EYS: variants seen among roughly 807,000 people sequenced by gnomAD.
EYS encodes the protein EGF-like photoreceptor maintenance factor, also known as protein eyes shut homolog.
Under a neutral mutation model 282.1 loss-of-function variants are expected in EYS, and 250 were observed. The observed-to-expected ratio is 0.89, with a 90% CI of 0.80 to 0.98. The LOEUF is 0.98. Ranked by LOEUF, EYS falls within the 50% of genes least tolerant of loss-of-function variation. EYS has a pLI of 0.00. For synonymous variants in EYS, 1,355 were observed against 1,282.9 expected (o/e 1.06, Z -1.20); for missense variants, 4,016 against 3,709.0 (o/e 1.08, Z -2.15).
chr6:64,686,797 ATATATATG>A lies in EYS; in HGVS notation c.3444-60560_3444-60553del, dbSNP rs1269968053. On this transcript the variant is annotated intron_variant, in intron 22 of 42. Transcript: ENST00000503581. ...TATATATATATATATATGTGTGTATATATATATGTGTGTATATATATATGTGTATATAT... is the reference window on the plus strand; with the variant it reads ...TATATATATATATATATGTGTGTATATGTGTATATATATATGTGTATATAT... 4.0e-3 allele frequency among the ~76,000 whole-genome samples: 270 copies of A among 68,294 alleles called. 31 individuals carry two copies. Among genetic ancestry groups the A allele is most frequent in the African/African-American group, 0.013 (260 of 20,402 alleles). 44.8% of individuals were successfully genotyped at this position (68,294 alleles called of 152,430 possible). A position where few individuals can be genotyped will look rare whatever the true frequency, so the allele number is the denominator to read the frequency against.
intron 26 of EYS, among the ~76,000 whole-genome samples, chr6:64,506,722 C>G (rs1777219400): frequency 6.6e-6 from 1 of 151,950 alleles, no homozygotes; most frequent in Non-Finnish European, 1.5e-5. Context: ...ACCATCCTGG[C>G]TAACACGGTG....
intron 22 of EYS, among the ~76,000 whole-genome samples, chr6:64,627,850 C>A (rs1417721554): frequency 6.6e-6 from 1 of 152,054 alleles, no homozygotes; most frequent in Non-Finnish European, 1.5e-5. Context: ...GAGACCGAGG[C>A]GGGTGGATCA....
chr6:65,103,940 G>A (rs1007156526), intron 12 of EYS, among the ~76,000 whole-genome samples: 1 of 151,346 alleles, frequency 6.6e-6, no homozygotes, highest in Non-Finnish European at 1.5e-5. Flanking sequence ...TCATGCTAGG[G>A]ATTTACTGGT....
At chr6:64,243,757 T>C (rs765471917) in intron 30 of EYS, among the ~76,000 whole-genome samples, 3 of 152,228 alleles carry the variant, frequency 2.0e-5, no homozygotes, top group Non-Finnish European at 2.9e-5. Flanking sequence ...TTTTTTCACA[T>C]TCAATTGCAA....
intron 14 of EYS, among the ~76,000 whole-genome samples, chr6:64,977,437 C>T (rs9363303): frequency 0.068 from 10,257 of 151,886 alleles, 442 homozygotes; most frequent in East Asian, 0.13. Flanking sequence ...TTCTCTAGCT[C>T]TCTCCCTCTG....
At chr6:64,893,262 C>T (rs1767345672) in intron 18 of EYS, among the ~76,000 whole-genome samples, 1 of 152,042 alleles carries the variant, frequency 6.6e-6, no homozygotes, top group Non-Finnish European at 1.5e-5. Flanking sequence ...CATTATATCT[C>T]AGCAAATTCA....
At chr6:65,214,943 A>C (rs1365165510) in intron 12 of EYS, among the ~76,000 whole-genome samples, 1 of 152,144 alleles carries the variant, frequency 6.6e-6, no homozygotes, top group Non-Finnish European at 1.5e-5. Context: ...CAATATTTTA[A>C]GCCCACTGTT....
intron 33 of EYS, among the ~76,000 whole-genome samples, chr6:64,002,837 C>G (rs1038317): frequency 1.5e-4 from 23 of 152,036 alleles, no homozygotes; most frequent in African/African-American, 5.3e-4. Flanking sequence ...TGCGCCTGGC[C>G]TGAGGATGAT....
intron 1 of EYS, among the ~76,000 whole-genome samples, chr6:65,658,312 A>G (rs1395573743): frequency 6.6e-6 from 1 of 151,672 alleles, no homozygotes; most frequent in Non-Finnish European, 1.5e-5. Context: ...AATGACATAA[A>G]AACTATAAAA....
intron 19 of EYS, among the ~76,000 whole-genome samples, chr6:64,827,821 T>A (rs1381670755): frequency 1.3e-5 from 2 of 151,852 alleles, no homozygotes; most frequent in African/African-American, 4.8e-5. Flanking sequence ...AATGCTATTC[T>A]ATGAGGAATA....
chr6:64,237,227 T>A (rs1766638605), intron 30 of EYS, among the ~76,000 whole-genome samples: 1 of 152,188 alleles, frequency 6.6e-6, no homozygotes, highest in South Asian at 2.1e-4. Flanking sequence ...CACCTCCACT[T>A]AAATTAAAAG....
At chr6:65,222,850 G>T (rs1766506998) in intron 12 of EYS, among the ~76,000 whole-genome samples, 1 of 152,072 alleles carries the variant, frequency 6.6e-6, no homozygotes, top group African/African-American at 2.4e-5. Context: ...AAACATGGTG[G>T]CACCAGCTTA....
rs532581966 is a variant in EYS at position 64,825,878 on chromosome 6, T to C, written c.2993-3056A>G. Among the ~76,000 whole-genome samples the C allele has an allele frequency of 3.3e-5, 5 of 151,068 alleles. 1 individual carries two copies. The South Asian group carries it at 1.0e-3, about 32-fold the overall frequency. On this transcript the variant is annotated intron_variant, in intron 19 of 42. Coordinates refer to ENST00000503581, the MANE Select transcript of EYS (RefSeq NM_001142800.2). ...GAATCAAAATTTCTCTACTGTAGCA[T>C]AGTAGAGAGATATTCATAAAGTGCA...
chr6:63,965,633 C>A (rs544202752), intron 35 of EYS, among the ~76,000 whole-genome samples: 22 of 152,214 alleles, frequency 1.4e-4, no homozygotes, highest in Non-Finnish European at 2.8e-4. Context: ...TATTTCAATT[C>A]TAACTTGCGT....
At chr6:65,023,456 C>G (rs547838105) in intron 13 of EYS, among the ~76,000 whole-genome samples, 1 of 152,170 alleles carries the variant, frequency 6.6e-6, no homozygotes, top group African/African-American at 2.4e-5. Flanking sequence ...AAATTGTTTT[C>G]ATTGTAGTGT....
intron 30 of EYS, among the ~76,000 whole-genome samples, chr6:64,243,311 G>T (rs1271852985): frequency 6.6e-6 from 1 of 152,210 alleles, no homozygotes; most frequent in South Asian, 2.1e-4. Flanking sequence ...TTAGTCAAGA[G>T]TAATGTCAGC....
At chr6:65,475,291 C>A (rs1266599429) in intron 5 of EYS, among the ~76,000 whole-genome samples, 1 of 151,976 alleles carries the variant, frequency 6.6e-6, no homozygotes, top group Non-Finnish European at 1.5e-5. Flanking sequence ...GTCATAAAAA[C>A]AAACTACATT....
intron 33 of EYS, among the ~76,000 whole-genome samples, chr6:64,019,701 G>T (rs58949381): frequency 0.041 from 6,299 of 151,880 alleles, 419 homozygotes; most frequent in African/African-American, 0.14. Context: ...GAGCCACCAC[G>T]CTCAGCCTCG....
intron 12 of EYS, among the ~76,000 whole-genome samples, chr6:65,091,017 T>C (rs1774541693): frequency 6.6e-6 from 1 of 152,044 alleles, no homozygotes; most frequent in Non-Finnish European, 1.5e-5. Flanking sequence ...TTTTCTTCCT[T>C]TAAAATTAAT....
Sources: allele counts gnomAD v4.1 joint callset (sites outside exome capture counted in the v4.1 genomes callset), GRCh38; gene constraint gnomAD v4.1.1; transcripts MANE v1.5; gene names NCBI Gene and HGNC (gene_info 2026-07-23, HGNC 2026-07-21).